The following NDST3 variants were observed in gnomAD, a reference collection of about 807,000 sequenced individuals.
NDST3 encodes bifunctional heparan sulfate N-deacetylase/N-sulfotransferase 3.
NDST3 carries 58 observed loss-of-function variants against 96.1 expected under a neutral mutation model. That is an observed-to-expected ratio of 0.60 (90% CI 0.49 to 0.75). The LOEUF is 0.75. Among genes scored for constraint, NDST3 ranks in the 30% least tolerant of loss-of-function variants. The pLI is 0.00. For synonymous variants in NDST3, 333 were observed against 359.7 expected (o/e 0.93, Z 0.84); for missense variants, 788 against 1,034.2 (o/e 0.76, Z 3.27).
chr4:118,161,688 A>G (rs549207758), intron 6 of NDST3, among the ~76,000 whole-genome samples: 43 of 152,310 alleles, frequency 2.8e-4, no homozygotes, highest in Middle Eastern at 3.4e-3. Flanking sequence ...TGTGAGGGAT[A>G]TAATCTCCTG....
chr4:118,150,188 G>T (rs1265149014), intron 6 of NDST3, among the ~76,000 whole-genome samples: 3 of 152,010 alleles, frequency 2.0e-5, no homozygotes, highest in Admixed American at 6.6e-5. Context: ...TTGCATCAAT[G>T]TTCATCAAGG....
rs965439016 is a variant in NDST3, at chr4:118,040,936, A to G, written c.-156+6344A>G. 4.0e-5 allele frequency among the ~76,000 whole-genome samples: 6 copies of G among 148,552 alleles called. No homozygotes were observed. In the Admixed American group the frequency reaches 4.0e-4, roughly 10 times the overall value. ...AAAATTTTGTATATTTTTTGTAGAGATGGGGTTTCGCTGTGTTGCCCAGGC... is the reference window on the plus strand; with the variant it reads ...AAAATTTTGTATATTTTTTGTAGAGGTGGGGTTTCGCTGTGTTGCCCAGGC... On this transcript the variant is annotated intron_variant, in intron 1 of 13. Transcript: ENST00000296499.
chr4:118,041,769 T>C (rs1445263661), intron 1 of NDST3, among the ~76,000 whole-genome samples: 1 of 152,252 alleles, frequency 6.6e-6, no homozygotes, highest in South Asian at 2.1e-4. Flanking sequence ...CTGAAATGTT[T>C]ACATGTTGAT....
At chr4:118,219,786 CACT>C (rs954580642) in intron 6 of NDST3, among the ~76,000 whole-genome samples, 5 of 150,862 alleles carry the variant, frequency 3.3e-5, no homozygotes, top group African/African-American at 4.8e-5. Context: ...GCAGTAAATC[CACT>C]ACAAGGAATT....
At chr4:118,060,006 A>G (rs917531294) in intron 2 of NDST3, among the ~76,000 whole-genome samples, 4 of 152,094 alleles carry the variant, frequency 2.6e-5, no homozygotes, top group Admixed American at 1.3e-4. Context: ...GATTTACTTT[A>G]TAACTGGATA....
chr4:118,229,506 G>A (rs1441801369), intron 8 of NDST3, among the ~76,000 whole-genome samples: 1 of 152,076 alleles, frequency 6.6e-6, no homozygotes, highest in Non-Finnish European at 1.5e-5. Flanking sequence ...AATATGTACA[G>A]GTAAAGACAG....
At chr4:118,175,396 T>C (rs1736212547) in intron 6 of NDST3, among the ~76,000 whole-genome samples, 1 of 151,940 alleles carries the variant, frequency 6.6e-6, no homozygotes, top group Non-Finnish European at 1.5e-5. Flanking sequence ...ACCATTATTT[T>C]CTCTAAAATC....
At chr4:118,159,982 A>C (rs1321623312) in intron 6 of NDST3, among the ~76,000 whole-genome samples, 2 of 152,194 alleles carry the variant, frequency 1.3e-5, no homozygotes, top group Non-Finnish European at 2.9e-5. Context: ...GAAAGAGAGA[A>C]CAATGCAGAA....
At chr4:118,158,607 G>A (rs1734867820) in intron 6 of NDST3, among the ~76,000 whole-genome samples, 1 of 152,028 alleles carries the variant, frequency 6.6e-6, no homozygotes, top group Non-Finnish European at 1.5e-5. Flanking sequence ...GAAACTTTTG[G>A]GTGAAAGATT....
intron 4 of NDST3, among the ~76,000 whole-genome samples, chr4:118,117,117 A>G (rs1214103934): frequency 6.6e-6 from 1 of 152,228 alleles, no homozygotes; most frequent in Non-Finnish European, 1.5e-5. Flanking sequence ...ATCTTCAGAA[A>G]TAAGACCAAA....
Position 118,222,184 on chromosome 4 carries a change from T to C in NDST3, c.1540-2307T>C, listed in dbSNP as rs138857537. Reference sequence around the variant, plus strand: ...ATTGCCAAGAAGTGAAATGACATTATAAATGTCATAGGTCAGTACACAGGT... The same window carrying C: ...ATTGCCAAGAAGTGAAATGACATTACAAATGTCATAGGTCAGTACACAGGT... On this transcript the variant is annotated intron_variant, in intron 6 of 13. Transcript: ENST00000296499. Among the ~76,000 whole-genome samples, 76 of 152,040 alleles carry C rather than the reference T, an allele frequency of 5.0e-4. No homozygotes were observed. The East Asian group carries it at 0.013, about 27-fold the overall frequency.
chr4:118,196,392 A>G (rs908952810), intron 6 of NDST3, among the ~76,000 whole-genome samples: 2 of 151,854 alleles, frequency 1.3e-5, no homozygotes, highest in Non-Finnish European at 2.9e-5. Context: ...CTCCTCCTCT[A>G]TTTTTTCAGA....
At chr4:118,159,849 A>G (rs1734968165) in intron 6 of NDST3, among the ~76,000 whole-genome samples, 1 of 152,218 alleles carries the variant, frequency 6.6e-6, no homozygotes, top group Non-Finnish European at 1.5e-5. Flanking sequence ...AAGACAGGTC[A>G]TTTGAAATTG....
chr4:118,240,579 T>C lies in NDST3; in HGVS notation c.2174T>C (p.Ile725Thr). ...AALKFSFYEV[I>T]SAGPRAPSEL... ...CTGAAGTTTAGCTTCTACGAAGTGA[T>C]CTCAGCAGGGCCCCGTGCACCCTCG... Residue 725 changes from isoleucine (I) to threonine (T), a missense_variant, in exon 11 of 14, where the codon ATC (isoleucine) becomes ACC (threonine). Physicochemically the swap from Ile to Thr is moderately conservative, Grantham distance 89. Around this residue, in one of 3 missense-constraint regions of NDST3, gnomAD observed 490 missense variants for 708.8 expected, o/e 0.69. Coordinates refer to ENST00000296499, the MANE Select transcript of NDST3 (RefSeq NM_004784.3). The C allele has an allele frequency of 6.2e-7, 1 of 1,613,796 alleles. No homozygotes were observed. The highest frequency in any genetic ancestry group is 8.5e-7 in the Non-Finnish European group (1 of 1,179,848).
chr4:118,101,696 T>C (rs911127685), intron 2 of NDST3, among the ~76,000 whole-genome samples: 1 of 152,090 alleles, frequency 6.6e-6, no homozygotes, highest in Non-Finnish European at 1.5e-5. Flanking sequence ...CTAGATGGTA[T>C]ACCCTACTAC....
intron 6 of NDST3, among the ~76,000 whole-genome samples, chr4:118,153,756 G>A (rs1451786610): frequency 1.3e-5 from 2 of 152,148 alleles, no homozygotes; most frequent in Non-Finnish European, 2.9e-5. Flanking sequence ...CCCGGGAGGC[G>A]GAGGTTGCAG....
intron 6 of NDST3, among the ~76,000 whole-genome samples, chr4:118,153,309 T>C (rs1487612407): frequency 6.6e-6 from 1 of 152,196 alleles, no homozygotes; most frequent in Non-Finnish European, 1.5e-5. Flanking sequence ...ATTTATATCT[T>C]GTGTTTTGTT....
Position 118,177,679 on chromosome 4 carries a change from A to G in NDST3, c.1539+33995A>G, listed in dbSNP as rs1445357775. 4.6e-5 allele frequency among the ~76,000 whole-genome samples: 7 copies of G among 152,104 alleles called. No homozygotes were observed. The East Asian group carries it at 9.7e-4, about 21-fold the overall frequency. On this transcript the variant is annotated intron_variant, in intron 6 of 13. Coordinates refer to ENST00000296499, the MANE Select transcript of NDST3 (RefSeq NM_004784.3). The stretch of plus-strand genomic sequence containing the variant: ...TTATCATTTAAGTCCTGGGTTTCAG[A>G]TCATGATAAATATTTCAGAATGGGG...
chr4:118,236,438 C>T (rs1740651103), intron 9 of NDST3, among the ~76,000 whole-genome samples: 1 of 152,078 alleles, frequency 6.6e-6, no homozygotes, highest in South Asian at 2.1e-4. Context: ...TTGGAATGTA[C>T]ATAGTTTTTA....
Sources: gnomAD v4.1 joint callset for allele counts (sites outside exome capture counted in the v4.1 genomes callset) on GRCh38, gnomAD v4.1.1 for gene constraint, gnomAD v4.1.1 regional missense constraint, MANE v1.5 for transcripts, NCBI Gene and HGNC (gene_info 2026-07-23, HGNC 2026-07-21) for gene names.